Variants in GPM6A observed in about 807,000 individuals in gnomAD.
GPM6A encodes glycoprotein M6A.
GPM6A carries 7 observed loss-of-function variants against 32.1 expected under a neutral mutation model. The ratio of observed to expected loss-of-function variants is 0.22; its 90% confidence interval spans 0.12 to 0.41. The LOEUF is 0.41. Among genes scored for constraint, GPM6A ranks in the 10% least tolerant of loss-of-function variants. The pLI, the probability that GPM6A is intolerant of heterozygous loss-of-function variation, is 1.00. For synonymous variants in GPM6A, 130 were observed against 123.4 expected, an observed-to-expected ratio of 1.05 and a Z score of -0.35; for missense variants, 235 against 347.2, an observed-to-expected ratio of 0.68 and a Z score of 2.57.
At position 175,944,366 on chromosome 4, in the gene GPM6A, G is replaced by A. The variant is rs114200517; in HGVS notation, c.-23+57943C>T. ...TAACTATGGTAACGAGAGCAGGAAA[G>A]CATGAGTGCAAAAGGAAACAGCCCG... On this transcript the variant is annotated intron_variant, in intron 1 of 7. Coordinates refer to the GPM6A transcript ENST00000280187. Among the ~76,000 whole-genome samples the A allele has an allele frequency of 7.3e-4, 111 of 152,326 alleles. 2 individuals carry two copies. The highest frequency in any genetic ancestry group is 2.5e-3 in the African/African-American group (105 of 41,582).
intron 1 of GPM6A, among the ~76,000 whole-genome samples, chr4:175,823,653 G>A (rs1181863410): frequency 1.3e-5 from 2 of 152,126 alleles, no homozygotes; most frequent in Non-Finnish European, 2.9e-5. Context: ...GGACTGATGA[G>A]GAAAAACAAG....
chr4:175,835,389 C>G (rs1735733669), intron 1 of GPM6A, among the ~76,000 whole-genome samples: 1 of 152,106 alleles, frequency 6.6e-6, no homozygotes. Flanking sequence ...CTAAACCTGA[C>G]TGTACGTTTT....
intron 1 of GPM6A, among the ~76,000 whole-genome samples, chr4:175,722,064 A>G (rs1746161228): frequency 6.6e-6 from 1 of 152,130 alleles, no homozygotes; most frequent in Non-Finnish European, 1.5e-5. Flanking sequence ...AGGCAGGAGA[A>G]TTGCTTGAGT....
chr4:175,882,322 A>C (rs188366775), intron 1 of GPM6A, among the ~76,000 whole-genome samples: 11 of 152,188 alleles, frequency 7.2e-5, no homozygotes, highest in African/African-American at 2.4e-4. Context: ...CTAGTAATTT[A>C]ATGCACAAGT....
At chr4:175,651,362 GTT>G (rs11346196) in intron 4 of GPM6A, among the ~76,000 whole-genome samples, 69,447 of 151,126 alleles carry the variant, frequency 0.46, 16,903 homozygotes, top group South Asian at 0.56. Flanking sequence ...TTTATTTAGC[GTT>G]TTTTTTTTTG....
intron 1 of GPM6A, among the ~76,000 whole-genome samples, chr4:175,713,580 G>A (rs1463707063): frequency 6.6e-6 from 1 of 152,072 alleles, no homozygotes. Context: ...ATTTAAATAT[G>A]TCCTGGCCTA....
upstream of GPM6A, chr4:175,812,939 G>A (rs1734986915): frequency 1.0e-6 from 1 of 985,244 alleles, no homozygotes; most frequent in Non-Finnish European, 1.2e-6. Flanking sequence ...TTATTACTAA[G>A]ACAGGACTTG....
chr4:175,714,680 T>G (rs1685758177), intron 1 of GPM6A, among the ~76,000 whole-genome samples: 1 of 152,182 alleles, frequency 6.6e-6, no homozygotes, highest in African/African-American at 2.4e-5. Context: ...AGCCTATTTA[T>G]TATGAATTTT....
intron 1 of GPM6A, among the ~76,000 whole-genome samples, chr4:175,929,613 C>T (rs1288452003): frequency 6.6e-6 from 1 of 152,178 alleles, no homozygotes; most frequent in Non-Finnish European, 1.5e-5. Context: ...CTCTCCTTCA[C>T]TCTTCAAACG....
intron 1 of GPM6A, among the ~76,000 whole-genome samples, chr4:175,900,475 T>C (rs1737928499): frequency 6.9e-6 from 1 of 144,278 alleles, no homozygotes; most frequent in Non-Finnish European, 1.5e-5. Context: ...CAAACCCATC[T>C]CAAAAGAAGA....
chr4:175,829,749 G>T (rs1359161942), intron 1 of GPM6A, among the ~76,000 whole-genome samples: 2 of 145,094 alleles, frequency 1.4e-5, no homozygotes, highest in Admixed American at 7.0e-5. Flanking sequence ...TATATATATA[G>T]ATATATATAT....
chr4:175,779,928 A>G (rs1733549844), intron 1 of GPM6A, among the ~76,000 whole-genome samples: 1 of 152,192 alleles, frequency 6.6e-6, no homozygotes, highest in African/African-American at 2.4e-5. Context: ...ACATGTATTC[A>G]TTTTGAAAAG....
At chr4:175,933,190 T>TA (rs2126316805) in intron 1 of GPM6A, among the ~76,000 whole-genome samples, 1 of 152,058 alleles carries the variant, frequency 6.6e-6, no homozygotes, top group South Asian at 2.1e-4. Flanking sequence ...AAAACTCCAT[T>TA]AAAAATGGGC....
chr4:175,825,306 T>C (rs1275119340), intron 1 of GPM6A, among the ~76,000 whole-genome samples: 6 of 152,176 alleles, frequency 3.9e-5, no homozygotes, highest in African/African-American at 1.4e-4. Flanking sequence ...TATATAATAA[T>C]TGATTTAAGA....
At chr4:175,933,212 A>G (rs759906457) in intron 1 of GPM6A, among the ~76,000 whole-genome samples, 1 of 152,214 alleles carries the variant, frequency 6.6e-6, no homozygotes, top group African/African-American at 2.4e-5. Context: ...AAAGGATGGG[A>G]TACTTCAAAT....
chr4:175,863,291 T>C (rs1027578751), intron 1 of GPM6A, among the ~76,000 whole-genome samples: 2 of 152,170 alleles, frequency 1.3e-5, no homozygotes, highest in Admixed American at 6.6e-5. Context: ...CATTACTGTT[T>C]AGTTTGCATT....
At chr4:175,921,086 T>C (rs998180534) in intron 1 of GPM6A, among the ~76,000 whole-genome samples, 1 of 152,178 alleles carries the variant, frequency 6.6e-6, no homozygotes, top group African/African-American at 2.4e-5. Context: ...TTTATATGTT[T>C]AATGTGATAT....
intron 1 of GPM6A, among the ~76,000 whole-genome samples, chr4:175,791,087 G>A (rs1733995129): frequency 6.6e-6 from 1 of 152,032 alleles, no homozygotes; most frequent in South Asian, 2.1e-4. Context: ...TTGGACTAGA[G>A]TTCCATTTTT....
chr4:175,911,269 A>T (rs141384153), intron 1 of GPM6A, among the ~76,000 whole-genome samples: 151 of 152,252 alleles, frequency 9.9e-4, no homozygotes, highest in African/African-American at 3.3e-3. Flanking sequence ...GGGTGACGAG[A>T]ATGAGACTCA....
Sources: gnomAD v4.1 joint callset for allele counts (sites outside exome capture counted in the v4.1 genomes callset) on GRCh38, gnomAD v4.1.1 for gene constraint, MANE v1.5 for transcripts, NCBI Gene and HGNC (gene_info 2026-07-23, HGNC 2026-07-21) for gene names.